The following FRMPD4 variants were observed in gnomAD, a reference collection of about 807,000 sequenced individuals.
The protein encoded by FRMPD4 is FERM and PDZ domain containing 4, also known as FERM and PDZ domain-containing protein 4.
In FRMPD4, 22 loss-of-function variants were observed where a neutral mutation model predicts 94.1. The ratio of observed to expected loss-of-function variants is 0.23; its 90% CI spans 0.17 to 0.33. FRMPD4 has a LOEUF of 0.33. Ranked by LOEUF, FRMPD4 falls within the 10% of genes least tolerant of loss-of-function variation. The pLI is 1.00. For synonymous variants in FRMPD4, 631 were observed against 548.6 expected, an observed-to-expected ratio of 1.15 and a Z score of -2.10; for missense variants, 1,111 against 1,339.9, an observed-to-expected ratio of 0.83 and a Z score of 2.67.
intron 5 of FRMPD4, among the ~76,000 whole-genome samples, chrX:12,679,836 T>C (rs985656231): frequency 2.5e-4 from 28 of 111,184 alleles, no homozygotes; most frequent in African/African-American, 6.6e-4. Flanking sequence ...CAGCGAATGC[T>C]TTACTGGTTT....
chrX:12,720,080 A>AAG (rs1211248489), intron 16 of FRMPD4, among the ~76,000 whole-genome samples: 3 of 74,620 alleles, frequency 4.0e-5, no homozygotes, highest in Admixed American at 3.2e-4. Flanking sequence ...GAAAGAAAGA[A>AAG]AGAGAAAGAA....
At chrX:12,379,642 CGTGTGTGTGTGTGTGTGT>C (rs55742933) in intron 1 of FRMPD4, among the ~76,000 whole-genome samples, 27 of 89,974 alleles carry the variant, frequency 3.0e-4, no homozygotes, top group Admixed American at 1.2e-3. Context: ...GATATGCTGC[CGTGTGTGTGTGTGTGTGT>C]GTGTGTGTGT....
intron 3 of FRMPD4, among the ~76,000 whole-genome samples, chrX:12,102,984 T>C (rs1021747580): frequency 1.8e-5 from 2 of 111,568 alleles, no homozygotes; most frequent in Non-Finnish European, 3.8e-5. Flanking sequence ...ATATGACTTG[T>C]CTTTTGTCAT....
chrX:12,629,871 G>A (rs1377303129), intron 4 of FRMPD4, among the ~76,000 whole-genome samples: 1 of 112,294 alleles, frequency 8.9e-6, no homozygotes, highest in Non-Finnish European at 1.9e-5. Context: ...GTAGGAGATT[G>A]GAGCACAAGC....
At position 12,138,793 on chromosome X, in the gene FRMPD4, G is replaced by A. The variant is rs1045634726; in HGVS notation, c.-179G>A. ...ATGCACACGCAGCTCGCGGCCGGAGGGGGGTAGCAGCCGCCGCCTCCAGGT... is the reference window on the plus strand; with the variant it reads ...ATGCACACGCAGCTCGCGGCCGGAGAGGGGTAGCAGCCGCCGCCTCCAGGT... On this transcript the variant is annotated 5_prime_UTR_variant, in exon 1 of 17. Coordinates refer to ENST00000675598, the MANE Select transcript of FRMPD4 (RefSeq NM_001368397.1). 5.3e-5 allele frequency: 19 copies of A among 361,409 alleles called. No homozygotes were observed. The highest frequency in any genetic ancestry group is 2.4e-4 in the African/African-American group (9 of 37,559). 29.8% of individuals were successfully genotyped at this position (361,409 alleles called of 1,213,427 possible).
At chrX:12,339,846 A>C (rs1218829126) in intron 1 of FRMPD4, among the ~76,000 whole-genome samples, 1 of 111,590 alleles carries the variant, frequency 9.0e-6, no homozygotes, top group Non-Finnish European at 1.9e-5. Flanking sequence ...CGATCTCCTG[A>C]CCTCATGATC....
intron 5 of FRMPD4, among the ~76,000 whole-genome samples, chrX:12,681,753 A>C (rs1322728480): frequency 9.0e-6 from 1 of 111,160 alleles, no homozygotes; most frequent in Admixed American, 9.6e-5. Flanking sequence ...CACACCTTGT[A>C]TCATACTTTT....
intron 3 of FRMPD4, among the ~76,000 whole-genome samples, chrX:11,993,282 G>A (rs1401097322): frequency 9.0e-6 from 1 of 110,868 alleles, no homozygotes; most frequent in Non-Finnish European, 1.9e-5. Flanking sequence ...CAAATCAGGG[G>A]CCATGAATAG....
chrX:12,406,173 A>G (rs2056664572), intron 1 of FRMPD4, among the ~76,000 whole-genome samples: 1 of 110,769 alleles, frequency 9.0e-6, no homozygotes, highest in Non-Finnish European at 1.9e-5. Flanking sequence ...CGCACAGGAC[A>G]GCTCCACCAC....
chrX:12,056,451 G>T (rs765638358), intron 3 of FRMPD4, among the ~76,000 whole-genome samples: 3 of 111,473 alleles, frequency 2.7e-5, no homozygotes, highest in Non-Finnish European at 5.7e-5. Context: ...AGGAACGTTG[G>T]GGGAGGAAGT....
intron 4 of FRMPD4, among the ~76,000 whole-genome samples, chrX:12,652,445 G>A (rs1243816490): frequency 9.0e-6 from 1 of 111,444 alleles, no homozygotes; most frequent in African/African-American, 3.3e-5. Flanking sequence ...ACAATATTGT[G>A]CAACCATCAC....
chrX:12,262,335 C>G (rs1240356817), intron 1 of FRMPD4, among the ~76,000 whole-genome samples: 1 of 111,387 alleles, frequency 9.0e-6, no homozygotes, highest in African/African-American at 3.3e-5. Flanking sequence ...GGCTTGAACT[C>G]CTGGCCTAAA....
chrX:11,951,421 A>G (rs764138728), intron 3 of FRMPD4, among the ~76,000 whole-genome samples: 3 of 112,233 alleles, frequency 2.7e-5, no homozygotes, highest in Non-Finnish European at 5.6e-5. Flanking sequence ...ATAAAAAAGA[A>G]TGAGATTATG....
At chrX:12,300,454 T>C (rs1373191398) in intron 1 of FRMPD4, among the ~76,000 whole-genome samples, 1 of 111,381 alleles carries the variant, frequency 9.0e-6, no homozygotes, top group East Asian at 2.8e-4. Context: ...GGTCTGAAAA[T>C]AAAAGTCAGG....
chrX:12,543,805 C>T (rs1263422260), intron 2 of FRMPD4, among the ~76,000 whole-genome samples: 1 of 108,686 alleles, frequency 9.2e-6, no homozygotes. Flanking sequence ...TATTGCGGCA[C>T]TCTTCACAAT....
chrX:11,906,273 G>C (rs936589919), intron 3 of FRMPD4, among the ~76,000 whole-genome samples: 2 of 109,363 alleles, frequency 1.8e-5, no homozygotes, highest in African/African-American at 6.7e-5. Flanking sequence ...TCAACCTCCC[G>C]AGTAGCTGGG....
chrX:12,277,638 G>C (rs1422109039), intron 1 of FRMPD4, among the ~76,000 whole-genome samples: 2 of 111,526 alleles, frequency 1.8e-5, no homozygotes, highest in African/African-American at 6.5e-5. Context: ...AAGAAAAAGG[G>C]GTCACCAGAG....
At chrX:12,602,526 G>C (rs1211198464) in intron 2 of FRMPD4, among the ~76,000 whole-genome samples, 2 of 111,869 alleles carry the variant, frequency 1.8e-5, no homozygotes, top group Non-Finnish European at 1.9e-5. Context: ...GAATGAAGTT[G>C]GTGGAGAAAA....
intron 2 of FRMPD4, among the ~76,000 whole-genome samples, chrX:12,552,043 C>T (rs1357839071): frequency 9.0e-6 from 1 of 111,470 alleles, no homozygotes; most frequent in Admixed American, 9.6e-5. Context: ...TAGCATCCCC[C>T]AAAGGTGGCC....
Sources: gnomAD v4.1 joint callset for allele counts (sites outside exome capture counted in the v4.1 genomes callset) on GRCh38, gnomAD v4.1.1 for gene constraint, MANE v1.5 for transcripts, NCBI Gene and HGNC (gene_info 2026-07-23, HGNC 2026-07-21) for gene names.